GPC6: variants seen among roughly 807,000 people sequenced by gnomAD.
GPC6 encodes the protein glypican-6.
Under a neutral mutation model 55.2 loss-of-function variants are expected in GPC6, and 14 were observed. The observed-to-expected ratio is 0.25, with a 90% CI of 0.17 to 0.40. GPC6 has a LOEUF of 0.40. GPC6 is among the 10% of genes least tolerant of loss of function. The pLI, the probability that GPC6 is intolerant of heterozygous loss-of-function variation, is 1.00. For missense variants in GPC6, 641 were observed against 708.5 expected, an observed-to-expected ratio of 0.90 and a Z score of 1.08; for synonymous variants, 278 against 259.6, an observed-to-expected ratio of 1.07 and a Z score of -0.68.
intron 1 of GPC6, among the ~76,000 whole-genome samples, chr13:93,392,464 A>G (rs1875667819): frequency 6.6e-6 from 1 of 152,192 alleles, no homozygotes; most frequent in African/African-American, 2.4e-5. Context: ...AGGCCCCTTA[A>G]TTATCGATTT....
chr13:93,841,954 T>G (rs1887969394), intron 3 of GPC6, among the ~76,000 whole-genome samples: 1 of 152,164 alleles, frequency 6.6e-6, no homozygotes, highest in Non-Finnish European at 1.5e-5. Flanking sequence ...GGAAACATTA[T>G]GCATACTATT....
intron 3 of GPC6, among the ~76,000 whole-genome samples, chr13:93,895,048 A>G (rs974435010): frequency 1.3e-5 from 2 of 150,506 alleles, no homozygotes; most frequent in Non-Finnish European, 3.0e-5. Context: ...TCCCACACCA[A>G]CGTCTTACAG....
intron 4 of GPC6, among the ~76,000 whole-genome samples, chr13:94,135,160 C>A (rs754417525): frequency 7.9e-5 from 12 of 151,724 alleles, no homozygotes; most frequent in Non-Finnish European, 1.5e-4. Context: ...CACAGGACAC[C>A]TACAAAATTT....
intron 4 of GPC6, among the ~76,000 whole-genome samples, chr13:94,266,294 G>A (rs939090801): frequency 6.6e-6 from 1 of 151,870 alleles, no homozygotes; most frequent in African/African-American, 2.4e-5. Flanking sequence ...TCAGCCTCCC[G>A]AGTAGCTGGG....
intron 4 of GPC6, among the ~76,000 whole-genome samples, chr13:94,113,961 G>T (rs758554117): frequency 2.0e-5 from 3 of 148,042 alleles, no homozygotes; most frequent in Non-Finnish European, 4.4e-5. Context: ...GACAGAGGTT[G>T]CAGTGAGATC....
chr13:93,534,570 T>G (rs545102408), intron 1 of GPC6, among the ~76,000 whole-genome samples: 28 of 152,278 alleles, frequency 1.8e-4, no homozygotes, highest in South Asian at 4.1e-4. Context: ...CTGGCCATTT[T>G]CAGGCTCAAG....
At chr13:94,241,515 A>G (rs1306074031) in intron 4 of GPC6, among the ~76,000 whole-genome samples, 1 of 152,168 alleles carries the variant, frequency 6.6e-6, no homozygotes, top group African/African-American at 2.4e-5. Flanking sequence ...CAGATGCCAC[A>G]TATCTGTGAG....
chr13:93,347,269 G>C (rs1880462168), intron 1 of GPC6, among the ~76,000 whole-genome samples: 1 of 152,098 alleles, frequency 6.6e-6, no homozygotes. Flanking sequence ...GATTATTTCT[G>C]CTAACATGAC....
intron 3 of GPC6, among the ~76,000 whole-genome samples, chr13:93,930,275 G>GTTTTTTTTTTTTGTTTTTTTTTTTTT (rs1878095359): frequency 8.1e-6 from 1 of 123,826 alleles, no homozygotes; most frequent in African/African-American, 3.2e-5. Flanking sequence ...GAAACGAAAG[G>GTTTTTTTTTTTTGTTTTTTTTTTTTT]TTTTTTTTTT....
chr13:93,350,102 G>T (rs975956552), intron 1 of GPC6, among the ~76,000 whole-genome samples: 1 of 152,088 alleles, frequency 6.6e-6, no homozygotes, highest in Non-Finnish European at 1.5e-5. Flanking sequence ...AAGTAAAATG[G>T]GTATATTATA....
At chr13:93,563,776 C>A (rs1167354532) in intron 2 of GPC6, among the ~76,000 whole-genome samples, 2 of 151,116 alleles carry the variant, frequency 1.3e-5, no homozygotes, top group Non-Finnish European at 2.9e-5. Flanking sequence ...AAAAAAAAGA[C>A]TAATCCTGCC....
intron 1 of GPC6, among the ~76,000 whole-genome samples, chr13:93,264,310 C>T (rs1467992632): frequency 1.3e-5 from 2 of 152,134 alleles, no homozygotes; most frequent in Non-Finnish European, 2.9e-5. Flanking sequence ...CCCAGGACCC[C>T]CTGTGGCTAC....
chr13:93,371,049 A>G (rs1399305172), intron 1 of GPC6, among the ~76,000 whole-genome samples: 1 of 152,102 alleles, frequency 6.6e-6, no homozygotes, highest in Non-Finnish European at 1.5e-5. Flanking sequence ...ACTTTTGTTA[A>G]TGTTGACAAA....
At chr13:94,218,991 A>G (rs912402723) in intron 4 of GPC6, among the ~76,000 whole-genome samples, 7 of 152,224 alleles carry the variant, frequency 4.6e-5, no homozygotes, top group African/African-American at 1.4e-4. Flanking sequence ...GATCATTTAA[A>G]AAATGATATG....
intron 1 of GPC6, among the ~76,000 whole-genome samples, chr13:93,361,190 T>C (rs1442409085): frequency 6.6e-6 from 1 of 152,136 alleles, no homozygotes; most frequent in East Asian, 1.9e-4. Context: ...TTCTCCTTGC[T>C]GCTTGCCTGA....
At chr13:94,281,297 G>C (rs1892373058) in intron 4 of GPC6, among the ~76,000 whole-genome samples, 1 of 152,070 alleles carries the variant, frequency 6.6e-6, no homozygotes, top group Non-Finnish European at 1.5e-5. Context: ...TGTCATCTAG[G>C]TTTTAAGCTC....
At chr13:93,731,731 T>C (rs551105722) in intron 2 of GPC6, among the ~76,000 whole-genome samples, 1 of 152,268 alleles carries the variant, frequency 6.6e-6, no homozygotes, top group South Asian at 2.1e-4. Flanking sequence ...GCGTGAATTG[T>C]ATACAAATAT....
chr13:94,131,916 A>G (rs1566445450), intron 4 of GPC6, among the ~76,000 whole-genome samples: 1 of 152,232 alleles, frequency 6.6e-6, no homozygotes, highest in East Asian at 1.9e-4. Flanking sequence ...AGGATTTCAT[A>G]GTCAAATAGT....
chr13:93,994,767 G>A (rs547612115), intron 3 of GPC6, among the ~76,000 whole-genome samples: 3 of 152,138 alleles, frequency 2.0e-5, no homozygotes, highest in Non-Finnish European at 2.9e-5. Context: ...TGTGCTACAC[G>A]TTCATAGTTT....
Sources: gnomAD v4.1 joint callset for allele counts (sites outside exome capture counted in the v4.1 genomes callset) on GRCh38, gnomAD v4.1.1 for gene constraint, MANE v1.5 for transcripts, NCBI Gene and HGNC (gene_info 2026-07-23, HGNC 2026-07-21) for gene names.